The following NIT1 variants were observed in gnomAD, a reference collection of about 807,000 sequenced individuals.
NIT1 encodes the protein deaminated glutathione amidase.
Under a neutral mutation model 36.8 loss-of-function variants are expected in NIT1, and 30 were observed. The ratio of observed to expected loss-of-function variants is 0.82; its 90% confidence interval spans 0.61 to 1.11. NIT1 has a LOEUF of 1.11. Among genes scored for constraint, NIT1 ranks in the 50% least tolerant of loss-of-function variants. The probability of loss-of-function intolerance (pLI) is 0.00; values close to 1 mark genes in which losing one functional copy is unlikely to be tolerated. For missense variants in NIT1, 438 were observed against 410.6 expected (o/e 1.07, Z -0.58); for synonymous variants, 151 against 155.6 (o/e 0.97, Z 0.22).
chr1:161,124,405 C>G (rs369766109), downstream of NIT1: 4 of 1,612,886 alleles, frequency 2.5e-6, no homozygotes, highest in African/African-American at 4.0e-5. Context: ...AGCCCATGTT[C>G]CTGCTCACCA....
In NIT1 at chr1:161,119,298, T is replaced by C. The variant is rs769853200; in HGVS notation, c.263T>C (p.Phe88Ser). Residue 88 changes from phenylalanine to serine, a missense_variant, in exon 3 of 7, where the codon TTT (phenylalanine) becomes TCT (serine). By Grantham distance (155) the Phe-to-Ser change is radical. Transcript: ENST00000368009. ...GACLAFLPEA[F>S]DFIARDPAET... ...TGCCTGGCTTTCCTGCCTGAGGCAT[T>C]TGACTTCATTGCACGGGACCCTGCA... 6.2e-7 allele frequency: 1 copy of C among 1,614,206 alleles called. No homozygotes were observed. Among genetic ancestry groups the C allele is most frequent in the South Asian group, 1.1e-5 (1 of 91,088 alleles).
At chr1:161,123,196 A>C, downstream of NIT1, 1 of 1,614,210 alleles carries the variant, frequency 6.2e-7, no homozygotes. Context: ...AAGTGGGGCA[A>C]CACACCACAG....
At position 161,119,353 on chromosome 1, in the gene NIT1, TGG is replaced by T. The variant is rs770105258; in HGVS notation, c.320_321del (p.Gly107GlufsTer24). 1 of 1,614,116 alleles carries T rather than the reference TGG, an allele frequency of 6.2e-7. No homozygotes were observed. Among genetic ancestry groups the T allele is most frequent in the Non-Finnish European group, 8.5e-7 (1 of 1,179,986 alleles). ...CGCTACACCTGTCTGAACCACTGGG[TGG>T]GAAACTTTTGGAAGAATACACCCAG... The part of the protein sequence containing the change: ...ETLHLSEPLG[G>X]KLLEEYTQLA... On this transcript the variant is annotated frameshift_variant, in exon 3 of 7. Coordinates refer to ENST00000368009, the MANE Select transcript of NIT1 (RefSeq NM_005600.3). LOFTEE classifies it high-confidence loss of function.
chr1:161,119,112 A>G (rs1442248284), intron 2 of NIT1, 22 bp from the exon 3 acceptor site: 1 of 1,609,350 alleles, frequency 6.2e-7, no homozygotes, highest in Non-Finnish European at 8.5e-7. Context: ...AAATCTGAGA[A>G]TCCTGCCTAT....
downstream of NIT1, chr1:161,125,035 G>C (rs1656014961): frequency 6.5e-6 from 1 of 153,948 alleles, no homozygotes; most frequent in South Asian, 2.0e-4. Flanking sequence ...GTTCAAGGCT[G>C]CAGTGAGCCA....
At chr1:161,124,557 AC>A (rs1655950192), downstream of NIT1, 2 of 1,509,442 alleles carry the variant, frequency 1.3e-6, no homozygotes, top group South Asian at 2.6e-5. Context: ...CCGATGAGAC[AC>A]TCAAGGGCAG....
downstream of NIT1, chr1:161,123,065 A>G (rs1290279376): frequency 9.9e-6 from 16 of 1,613,990 alleles, no homozygotes; most frequent in Non-Finnish European, 1.3e-5. Flanking sequence ...GAACCCTTGA[A>G]CTTCCTCACC....
Position 161,121,057 on chromosome 1 carries a change from A to C in NIT1, c.*292A>C. 11 of 1,246,426 alleles carry C rather than the reference A, an allele frequency of 8.8e-6. No individual in the cohort carries two copies. Among genetic ancestry groups the C allele is most frequent in the Middle Eastern group, 3.3e-4 (1 of 3,034 alleles). 77.2% of individuals were successfully genotyped at this position (1,246,426 alleles called of 1,614,324 possible). On this transcript the variant is annotated 3_prime_UTR_variant, in exon 7 of 7. Coordinates refer to ENST00000368009, the MANE Select transcript of NIT1 (RefSeq NM_005600.3). ...AGCACTGGCATTGAAAAATATAATA[A>C]TCATAAAGTCTGTGTCTGGACATCG...
downstream of NIT1, chr1:161,124,662 T>A: frequency 8.3e-7 from 1 of 1,207,200 alleles, no homozygotes; most frequent in Non-Finnish European, 1.1e-6. Context: ...TTGAAGTGTT[T>A]GTTTAAAAAT....
At chr1:161,118,549 A>G in intron 1 of NIT1, 2 of 1,536,194 alleles carry the variant, frequency 1.3e-6, no homozygotes. Context: ...GCTTCAGTTT[A>G]ATGTGAGATC....
chr1:161,120,543 G>A lies in NIT1; in HGVS notation c.762G>A (p.Val254=), dbSNP rs1398670918. The change falls in exon 7 of 7, where the codon GTG becomes GTA. Residue 254 remains valine, a synonymous_variant. Coordinates refer to ENST00000368009, the MANE Select transcript of NIT1 (RefSeq NM_005600.3). ...CTATCGAAACCCAGTGCTATGTAGT[G>A]GCAGCAGCACAGTGTGGACGCCACC... ...ARAIETQCYV[V]AAAQCGRHHE... The A allele has an allele frequency of 6.2e-7, 1 of 1,614,076 alleles. No homozygotes were observed. The highest frequency in any genetic ancestry group is 8.5e-7 in the Non-Finnish European group (1 of 1,180,034).
chr1:161,122,536 GAA>G, downstream of NIT1: 1 of 1,611,528 alleles, frequency 6.2e-7, no homozygotes, highest in East Asian at 2.2e-5. This position sits in a 1 kb window ranked among gnomAD's most constrained non-coding sequence, Gnocchi z 4.2. Flanking sequence ...GTTGGAAACA[GAA>G]GATACAGAGC....
downstream of NIT1, chr1:161,122,070 G>C (rs984835123): frequency 6.7e-7 from 1 of 1,502,338 alleles, no homozygotes; most frequent in African/African-American, 1.4e-5. The surrounding 1 kb of genome is among the most constrained non-coding windows in gnomAD (Gnocchi z 4.2). Flanking sequence ...TGGAAGGGTA[G>C]AGAACAAACC....
chr1:161,120,568 C>A lies in NIT1; in HGVS notation c.787C>A (p.His263Asn). 1 of 1,614,202 alleles carries A rather than the reference C, an allele frequency of 6.2e-7. No homozygotes were observed. The highest frequency in any genetic ancestry group is 8.5e-7 in the Non-Finnish European group (1 of 1,180,042). ...VVAAAQCGRH[H>N]EKRASYGHSM... ...GGCAGCAGCACAGTGTGGACGCCAC[C>A]ATGAGAAGAGAGCAAGTTATGGCCA... Residue 263 changes from histidine to asparagine, a missense_variant, in exon 7 of 7, where the codon CAT becomes AAT. By Grantham distance (68) the His-to-Asn change is moderately conservative. Coordinates refer to ENST00000368009, the MANE Select transcript of NIT1 (RefSeq NM_005600.3).
chr1:161,123,774 A>C (rs1655834014), downstream of NIT1: 1 of 1,410,392 alleles, frequency 7.1e-7, no homozygotes, highest in African/African-American at 1.4e-5. Flanking sequence ...CAAAGCCCAG[A>C]ATGTGATGGG....
At chr1:161,118,219 A>C in intron 1 of NIT1, 41 bp downstream of exon 1, 1 of 1,613,758 alleles carries the variant, frequency 6.2e-7, no homozygotes, top group Middle Eastern at 1.6e-4. Context: ...GGTGAATCCC[A>C]CCTGCGGTGC....
chr1:161,120,036 A>T lies in NIT1; in HGVS notation c.592-71A>T. On this transcript the variant is annotated intron_variant, in intron 5 of 6. Coordinates refer to ENST00000368009, the MANE Select transcript of NIT1 (RefSeq NM_005600.3). ...GATAGAAAGCCCTAAGAGAGGGGGT[A>T]ATGGAAATATGACTAGATGCTGTGA... 5 of 1,608,848 alleles carry T rather than the reference A, an allele frequency of 3.1e-6. No individual in the cohort carries two copies. The Admixed American group carries it at 6.7e-5, about 21-fold the overall frequency.
At chr1:161,124,443 C>A (rs1381291478), downstream of NIT1, 2 of 1,604,704 alleles carry the variant, frequency 1.2e-6, no homozygotes, top group African/African-American at 1.3e-5. Flanking sequence ...CTGGCTTGCC[C>A]GCCGCTTTAG....
chr1:161,118,826 C>T lies in NIT1; in HGVS notation c.43C>T (p.Leu15Phe), dbSNP rs1024465181. 6.2e-6 allele frequency: 10 copies of T among 1,614,158 alleles called. No individual in the cohort carries two copies. The highest frequency in any genetic ancestry group is 8.5e-6 in the Non-Finnish European group (10 of 1,179,984). ...ITRPPHRFLS[L>F]LCPGLRIPQL... ...CAGGCCTCCTCACAGATTCCTGTCC[C>T]TTCTGTGTCCTGGACTCCGGATACC... Residue 15 changes from leucine to phenylalanine, a missense_variant, in exon 2 of 7, where the codon CTT becomes TTT. Leu to Phe is a conservative substitution (Grantham distance 22). Coordinates refer to ENST00000368009, the MANE Select transcript of NIT1 (RefSeq NM_005600.3).
Sources: gnomAD v4.1 joint callset for allele counts on GRCh38, gnomAD v4.1.1 for gene constraint, Gnocchi (gnomAD v3.1) non-coding constraint, MANE v1.5 for transcripts, NCBI Gene and HGNC (gene_info 2026-07-23, HGNC 2026-07-21) for gene names.